Variants in RNLS observed in about 807,000 individuals in gnomAD.
RNLS encodes the protein renalase.
In RNLS, 39 loss-of-function variants were observed where a neutral mutation model predicts 39.8. That is an observed-to-expected ratio of 0.98 (90% CI 0.76 to 1.28). The LOEUF is 1.28. Among genes scored for constraint, RNLS ranks in the 50% most tolerant of loss-of-function variants. The pLI, the probability that RNLS is intolerant of heterozygous loss-of-function variation, is 0.00. For missense variants in RNLS, 410 were observed against 413.3 expected (o/e 0.99, Z 0.07); for synonymous variants, 147 against 150.7 (o/e 0.98, Z 0.18).
chr10:88,546,871 T>C (rs1386026467), intron 4 of RNLS, among the ~76,000 whole-genome samples: 8 of 150,408 alleles, frequency 5.3e-5, no homozygotes, highest in African/African-American at 2.0e-4. Context: ...AGCCAGACGT[T>C]GCAAGTCCAA....
chr10:88,382,243 A>T (rs548694894), intron 4 of RNLS, among the ~76,000 whole-genome samples: 1 of 152,264 alleles, frequency 6.6e-6, no homozygotes, highest in Admixed American at 6.5e-5. Context: ...ACTTCAAATG[A>T]CAGGTACAGT....
downstream of RNLS, among the ~76,000 whole-genome samples, chr10:88,281,352 C>T (rs1843003061): frequency 6.6e-6 from 1 of 152,134 alleles, no homozygotes; most frequent in Non-Finnish European, 1.5e-5. Context: ...GTTCAGGGAT[C>T]CTTTCTCCCC....
intron 4 of RNLS, among the ~76,000 whole-genome samples, chr10:88,565,122 G>T (rs756252079): frequency 6.6e-5 from 10 of 152,112 alleles, no homozygotes; most frequent in Admixed American, 6.5e-4. Flanking sequence ...GCACTTTTTG[G>T]TAAGTTATGT....
intron 4 of RNLS, among the ~76,000 whole-genome samples, chr10:88,486,085 T>A (rs1431886183): frequency 6.6e-6 from 1 of 151,872 alleles, no homozygotes; most frequent in Non-Finnish European, 1.5e-5. Context: ...AATGATGAAC[T>A]TGAATCTAGA....
chr10:88,308,089 A>T (rs1157261397), intron 6 of RNLS, among the ~76,000 whole-genome samples: 1 of 152,220 alleles, frequency 6.6e-6, no homozygotes, highest in Middle Eastern at 3.2e-3. Flanking sequence ...AGAAGATTGA[A>T]ACTGGACCCC....
chr10:88,355,779 C>T (rs1039150282), intron 5 of RNLS, among the ~76,000 whole-genome samples: 1 of 152,202 alleles, frequency 6.6e-6, no homozygotes, highest in Non-Finnish European at 1.5e-5. Context: ...GTTTCTGCTG[C>T]CTTTTGTTTG....
At chr10:88,407,451 G>T (rs921947782) in intron 4 of RNLS, among the ~76,000 whole-genome samples, 1 of 151,788 alleles carries the variant, frequency 6.6e-6, no homozygotes, top group African/African-American at 2.4e-5. Context: ...ATTGATGTGA[G>T]AGGAGAAATT....
intron 6 of RNLS, among the ~76,000 whole-genome samples, chr10:88,278,398 C>T (rs573483423): frequency 6.6e-6 from 1 of 152,244 alleles, no homozygotes; most frequent in East Asian, 1.9e-4. Context: ...GAAGTGGGTG[C>T]AACTAACTCT....
intron 4 of RNLS, among the ~76,000 whole-genome samples, chr10:88,439,825 A>G (rs1394584934): frequency 6.6e-6 from 1 of 152,182 alleles, no homozygotes; most frequent in Non-Finnish European, 1.5e-5. Flanking sequence ...AATTCACTGT[A>G]AGTTTCAACT....
chr10:88,310,619 C>T (rs1053581307), intron 6 of RNLS, among the ~76,000 whole-genome samples: 5 of 151,402 alleles, frequency 3.3e-5, no homozygotes, highest in East Asian at 3.9e-4. Context: ...AGCAAGACCC[C>T]GTGACTACAA....
At chr10:88,304,420 A>C (rs1844768181) in intron 6 of RNLS, among the ~76,000 whole-genome samples, 1 of 152,220 alleles carries the variant, frequency 6.6e-6, no homozygotes, top group Non-Finnish European at 1.5e-5. Flanking sequence ...GTTGAAACCC[A>C]ATCCAAGGAA....
chr10:88,179,604 A>T, the RNLS span, among the ~76,000 whole-genome samples: 1 of 152,224 alleles, frequency 6.6e-6, no homozygotes, highest in Admixed American at 6.5e-5. Flanking sequence ...TTGTTTTACA[A>T]ACTGGGAAAT....
At chr10:88,369,941 C>T (rs540940331) in intron 4 of RNLS, among the ~76,000 whole-genome samples, 15 of 152,322 alleles carry the variant, frequency 9.8e-5, no homozygotes, top group Non-Finnish European at 1.9e-4. Flanking sequence ...CCGCCTTGGC[C>T]TCCCAAAGTG....
chr10:88,548,509 G>A (rs1848450029), intron 4 of RNLS, among the ~76,000 whole-genome samples: 1 of 146,830 alleles, frequency 6.8e-6, no homozygotes, highest in Non-Finnish European at 1.5e-5. Flanking sequence ...CATGGTGGTG[G>A]GCGCCTGTAA....
chr10:88,222,507 A>G, the RNLS span, among the ~76,000 whole-genome samples: 2 of 152,346 alleles, frequency 1.3e-5, no homozygotes, highest in East Asian at 1.9e-4. Context: ...AAAACTGGGG[A>G]AAAATAATAA....
intron 5 of RNLS, among the ~76,000 whole-genome samples, chr10:88,322,958 CA>C (rs891243620): frequency 1.3e-5 from 2 of 152,050 alleles, no homozygotes; most frequent in African/African-American, 4.8e-5. Context: ...AAATAATGCA[CA>C]AAAAAATCAG....
Position 88,374,141 on chromosome 10 carries a change from C to G in RNLS, c.527-11416G>C, listed in dbSNP as rs1408761248. ...GCAGGAAAAGAGTTCAATAAAATGG[C>G]CTTAACTGGTATAAGAAGTTACAAT... On this transcript the variant is annotated intron_variant, in intron 4 of 6. Transcript: ENST00000331772. Among the ~76,000 whole-genome samples, 4 of 151,876 alleles carry G rather than the reference C, an allele frequency of 2.6e-5. No homozygotes were observed. In the East Asian group the frequency reaches 7.7e-4, roughly 29 times the overall value.
downstream of RNLS, among the ~76,000 whole-genome samples, chr10:88,271,434 A>T (rs959807665): frequency 5.3e-5 from 8 of 152,124 alleles, no homozygotes; most frequent in African/African-American, 1.9e-4. Context: ...TCTAGGGTGG[A>T]TCTCTACTTT....
chr10:88,544,727 G>T (rs1848210312), intron 4 of RNLS, among the ~76,000 whole-genome samples: 1 of 152,132 alleles, frequency 6.6e-6, no homozygotes, highest in Non-Finnish European at 1.5e-5. Context: ...TACCTGAATG[G>T]TATATAGCCA....
Sources: gnomAD v4.1 joint callset for allele counts (sites outside exome capture counted in the v4.1 genomes callset) on GRCh38, gnomAD v4.1.1 for gene constraint, MANE v1.5 for transcripts, NCBI Gene and HGNC (gene_info 2026-07-23, HGNC 2026-07-21) for gene names.